TDRD10: variants seen among roughly 807,000 people sequenced by gnomAD.
TDRD10 encodes tudor domain containing 10.
A neutral mutation model predicts 48.0 loss-of-function variants in TDRD10; 40 were observed. The observed-to-expected ratio is 0.83, with a 90% CI of 0.65 to 1.09. The LOEUF (loss-of-function observed/expected upper bound fraction) is 1.09. TDRD10 is among the 50% of genes least tolerant of loss of function. The pLI, the probability that TDRD10 is intolerant of heterozygous loss-of-function variation, is 0.00. For missense variants in TDRD10, 378 were observed against 434.7 expected (o/e 0.87, Z 1.16); for synonymous variants, 162 against 170.4 (o/e 0.95, Z 0.38).
chr1:154,540,576 T>C (rs1023674207), intron 6 of TDRD10, among the ~76,000 whole-genome samples: 10 of 151,364 alleles, frequency 6.6e-5, no homozygotes, highest in Non-Finnish European at 1.5e-4. Context: ...AGGGTCTGCT[T>C]TATTTGTTCA....
intron 6 of TDRD10, among the ~76,000 whole-genome samples, chr1:154,522,630 A>G (rs1314030229): frequency 6.6e-6 from 1 of 151,908 alleles, no homozygotes; most frequent in Admixed American, 6.6e-5. Flanking sequence ...ACATAGCAAG[A>G]CCCCATCTCT....
At chr1:154,511,059 T>C (rs567749316) in intron 4 of TDRD10, among the ~76,000 whole-genome samples, 1 of 151,266 alleles carries the variant, frequency 6.6e-6, no homozygotes, top group Non-Finnish European at 1.5e-5. Flanking sequence ...AAAAAAAAAA[T>C]TTAAAATATA....
intron 4 of TDRD10, among the ~76,000 whole-genome samples, chr1:154,518,802 G>A (rs1693906491): frequency 6.6e-6 from 1 of 152,232 alleles, no homozygotes; most frequent in Non-Finnish European, 1.5e-5. Flanking sequence ...GTGAATGGAT[G>A]TGCATGGCTG....
chr1:154,533,843 C>T (rs1694776875), intron 6 of TDRD10, among the ~76,000 whole-genome samples: 1 of 150,894 alleles, frequency 6.6e-6, no homozygotes, highest in South Asian at 2.1e-4. Flanking sequence ...TCCCAAAGTG[C>T]TGGGATTGCA....
chr1:154,521,235 C>T (rs1489808659), intron 5 of TDRD10, 88 bp from the exon 6 acceptor site: 30 of 1,314,924 alleles, frequency 2.3e-5, no homozygotes, highest in Non-Finnish European at 3.0e-5. Context: ...AGGACACTGG[C>T]CTTCCAGCTT....
In TDRD10 at chr1:154,502,598, A is replaced by G. The variant is rs1019971468; in HGVS notation, c.-459A>G. ...CGCACGTGCGGATCGGCCGCGCCCC[A>G]CTGAGCAGAGAGCCCCCTTCTGCCG... On this transcript the variant is annotated 5_prime_UTR_variant, in exon 1 of 13. Transcript: ENST00000368482. 1 of 152,038 alleles carries G rather than the reference A, an allele frequency of 6.6e-6. No individual in the cohort carries two copies. The highest frequency in any genetic ancestry group is 2.4e-5 in the African/African-American group (1 of 41,342). 9.4% of individuals were successfully genotyped at this position (152,038 alleles called of 1,614,324 possible).
intron 8 of TDRD10, among the ~76,000 whole-genome samples, chr1:154,543,509 A>T (rs1254961750): frequency 6.6e-6 from 1 of 152,134 alleles, no homozygotes; most frequent in East Asian, 1.9e-4. Context: ...TAATTGAGTT[A>T]GTGGAGCAGC....
intron 6 of TDRD10, among the ~76,000 whole-genome samples, chr1:154,529,805 A>G (rs1694511470): frequency 6.6e-6 from 1 of 152,028 alleles, no homozygotes; most frequent in African/African-American, 2.4e-5. Context: ...TTGGCCTCCC[A>G]AAGTGCCGGG....
At position 154,543,991 on chromosome 1, in the gene TDRD10, G is replaced by A. The variant is rs1173978221; in HGVS notation, c.532G>A (p.Glu178Lys). 6.2e-7 allele frequency: 1 copy of A among 1,614,198 alleles called. No homozygotes were observed. ...RGSFLVLLLRECFRDLSWLAL... is the reference protein window; with the variant it reads ...RGSFLVLLLRKCFRDLSWLAL... ...GTCCTTCCTGGTGCTGCTCCTGAGG[G>A]AATGCTTCCGAGACCTGAGCTGGCT... The change falls in exon 9 of 13, where the codon GAA becomes AAA. Residue 178 changes from glutamate (E) to lysine (K), a missense_variant. Coordinates refer to ENST00000368482, the MANE Select transcript of TDRD10 (RefSeq NM_182499.4).
At chr1:154,508,634 A>G (rs1215274131) in intron 4 of TDRD10, among the ~76,000 whole-genome samples, 153 bp downstream of exon 4, 1 of 152,214 alleles carries the variant, frequency 6.6e-6, no homozygotes, top group Non-Finnish European at 1.5e-5. Context: ...TAACCAATGC[A>G]TCACAGTTTG....
At chr1:154,542,893 G>A (rs1695324475) in intron 8 of TDRD10, 72 bp downstream of exon 8, 2 of 1,311,566 alleles carry the variant, frequency 1.5e-6, no homozygotes, top group Admixed American at 1.8e-5. Context: ...AGAGAGTGGG[G>A]ACAAGGATAG....
At chr1:154,508,355 G>A (rs1693264324) in intron 3 of TDRD10, 68 bp from the exon 4 acceptor site, 5 of 1,087,800 alleles carry the variant, frequency 4.6e-6, no homozygotes, top group Non-Finnish European at 7.1e-6. Context: ...TCTCTATCCT[G>A]TATTCTGACT....
At chr1:154,522,232 G>A (rs1009946540) in intron 6 of TDRD10, among the ~76,000 whole-genome samples, 3 of 152,142 alleles carry the variant, frequency 2.0e-5, no homozygotes, top group African/African-American at 7.2e-5. Context: ...GAAGCAGAGG[G>A]CAAAAGGGGC....
intron 6 of TDRD10, chr1:154,541,796 G>A (rs1570981392): frequency 2.0e-6 from 1 of 507,568 alleles, no homozygotes; most frequent in East Asian, 3.4e-5. Context: ...CCTGGCAGCA[G>A]CCCTGCTCCC....
At chr1:154,546,715 C>T (rs886085734) in intron 11 of TDRD10, among the ~76,000 whole-genome samples, 1 of 152,100 alleles carries the variant, frequency 6.6e-6, no homozygotes, top group African/African-American at 2.4e-5. Flanking sequence ...TTTCAAAGTG[C>T]AGCTCCCAGC....
intron 6 of TDRD10, 23 bp from the exon 7 acceptor site, chr1:154,542,001 A>G (rs1695265689): frequency 6.2e-7 from 1 of 1,613,488 alleles, no homozygotes; most frequent in Admixed American, 1.7e-5. Context: ...TGGCTGAGTG[A>G]GACCTTTCAT....
chr1:154,510,010 A>C (rs1693361683), intron 4 of TDRD10: 1 of 313,102 alleles, frequency 3.2e-6, no homozygotes, highest in Admixed American at 6.5e-5. Context: ...TCCCCTTCGC[A>C]GAAAGCGGCA....
intron 1 of TDRD10, among the ~76,000 whole-genome samples, chr1:154,503,732 T>C (rs1359744380): frequency 1.3e-5 from 2 of 152,168 alleles, no homozygotes; most frequent in Non-Finnish European, 2.9e-5. Flanking sequence ...TCATATACAA[T>C]GGAAACAGAA....
intron 1 of TDRD10, among the ~76,000 whole-genome samples, chr1:154,503,288 C>T (rs1189774038): frequency 1.3e-5 from 2 of 152,064 alleles, no homozygotes; most frequent in Non-Finnish European, 2.9e-5. Context: ...CCTTCGAAGC[C>T]CTTTAAAAGC....
Sources: allele counts gnomAD v4.1 joint callset (sites outside exome capture counted in the v4.1 genomes callset), GRCh38; gene constraint gnomAD v4.1.1; transcripts MANE v1.5; gene names NCBI Gene and HGNC (gene_info 2026-07-23, HGNC 2026-07-21).